CTNNA1: variants seen among roughly 807,000 people sequenced by gnomAD.
The protein encoded by CTNNA1 is catenin alpha-1.
CTNNA1 carries 37 observed loss-of-function variants against 98.4 expected under a neutral mutation model. That is an observed-to-expected ratio of 0.38 (90% CI 0.29 to 0.49). The LOEUF (loss-of-function observed/expected upper bound fraction) is 0.49. Ranked by LOEUF, CTNNA1 falls within the 20% of genes least tolerant of loss-of-function variation. The pLI is 0.95. For synonymous variants in CTNNA1, 404 were observed against 413.2 expected (o/e 0.98, Z 0.27); for missense variants, 761 against 1,147.2 (o/e 0.66, Z 4.86).
At chr5:138,919,781 C>G (rs540504307) in intron 11 of CTNNA1, among the ~76,000 whole-genome samples, 34 of 152,262 alleles carry the variant, frequency 2.2e-4, no homozygotes, top group African/African-American at 7.2e-4. Context: ...CACAGCCCTG[C>G]TTAGGAATGT....
At chr5:138,872,438 C>T (rs1750759911) in intron 7 of CTNNA1, 1 of 152,436 alleles carries the variant, frequency 6.6e-6, no homozygotes, top group South Asian at 2.1e-4. Flanking sequence ...ATAATATCTA[C>T]TAACCCAGGC....
At chr5:138,766,924 C>G (rs1752998605) in intron 1 of CTNNA1, among the ~76,000 whole-genome samples, 1 of 151,742 alleles carries the variant, frequency 6.6e-6, no homozygotes, top group Admixed American at 6.6e-5. Context: ...GGGGTTGTTT[C>G]AGTGTTGCTC....
intron 7 of CTNNA1, among the ~76,000 whole-genome samples, chr5:138,830,021 G>C (rs753674886): frequency 3.9e-5 from 6 of 152,110 alleles, no homozygotes; most frequent in African/African-American, 1.2e-4. Flanking sequence ...AAAAAAATTA[G>C]CCGGACATGG....
Position 138,887,191 on chromosome 5 carries a change from G to A in CTNNA1, c.1144-299G>A, listed in dbSNP as rs4835711. Among the ~76,000 whole-genome samples the A allele has an allele frequency of 0.02, 2,977 of 152,124 alleles. 38 individuals are homozygous for A. Among genetic ancestry groups the A allele is most frequent in the Admixed American group, 0.03 (455 of 15,260 alleles). On this transcript the variant is annotated intron_variant, in intron 8 of 17. Transcript: ENST00000302763. ...CAGAGCTGCTTTCAGTTCAGCTTTT[G>A]TATTATTTAAGTTGTAAGCCCTAGT...
intron 9 of CTNNA1, among the ~76,000 whole-genome samples, chr5:138,898,693 C>G (rs1443414612): frequency 7.2e-5 from 11 of 152,094 alleles, no homozygotes; most frequent in Admixed American, 7.2e-4. Flanking sequence ...TTTGTCTTCC[C>G]AAGTCTGAAA....
At chr5:138,867,330 G>C (rs1166046234) in intron 7 of CTNNA1, among the ~76,000 whole-genome samples, 1 of 152,138 alleles carries the variant, frequency 6.6e-6, no homozygotes, top group Admixed American at 6.5e-5. Context: ...CCTCCATGTG[G>C]TCCTGCTATG....
intron 17 of CTNNA1, chr5:138,932,935 TC>T: frequency 3.8e-6 from 3 of 779,726 alleles, no homozygotes; most frequent in Non-Finnish European, 7.0e-6. Flanking sequence ...GCTGGCCTCC[TC>T]CCCTTTGCTG....
chr5:138,810,972 AC>A (rs1279136714), intron 4 of CTNNA1, among the ~76,000 whole-genome samples: 1 of 128,182 alleles, frequency 7.8e-6, no homozygotes, highest in Non-Finnish European at 1.7e-5. Flanking sequence ...CAGGGGGCTG[AC>A]CCCCCCACCT....
At chr5:138,767,834 G>A (rs753502228) in intron 1 of CTNNA1, among the ~76,000 whole-genome samples, 34 of 152,102 alleles carry the variant, frequency 2.2e-4, no homozygotes, top group Non-Finnish European at 4.3e-4. Flanking sequence ...GCATAACCCT[G>A]ACACTACTGT....
At chr5:138,932,758 C>T (rs2150350436) in intron 17 of CTNNA1, 46 bp downstream of exon 17, 2 of 1,609,780 alleles carry the variant, frequency 1.2e-6, no homozygotes, top group African/African-American at 1.3e-5. Flanking sequence ...AACGTGCTGA[C>T]CCTTGTCAGA....
chr5:138,774,665 A>G (rs1353907429), intron 1 of CTNNA1, among the ~76,000 whole-genome samples: 2 of 150,574 alleles, frequency 1.3e-5, no homozygotes, highest in Non-Finnish European at 3.0e-5. Flanking sequence ...TCTGTCGCCC[A>G]GGCTGGAGTG....
intron 1 of CTNNA1, among the ~76,000 whole-genome samples, chr5:138,767,949 A>C (rs114395536): frequency 0.016 from 2,495 of 152,312 alleles, 75 homozygotes; most frequent in African/African-American, 0.056. Flanking sequence ...GAAATGCAGA[A>C]TCTTAGGCCT....
At chr5:138,762,733 C>T (rs73790339) in intron 1 of CTNNA1, among the ~76,000 whole-genome samples, 5,809 of 151,706 alleles carry the variant, frequency 0.038, 300 homozygotes, top group African/African-American at 0.12. Context: ...ATACTTGTAA[C>T]ATTTGCTCAT....
At chr5:138,856,130 G>A (rs1159035120) in intron 7 of CTNNA1, among the ~76,000 whole-genome samples, 2 of 152,022 alleles carry the variant, frequency 1.3e-5, no homozygotes, top group African/African-American at 4.8e-5. Flanking sequence ...TAATGGCTTG[G>A]GGCTTTTATT....
intron 7 of CTNNA1, among the ~76,000 whole-genome samples, chr5:138,835,868 T>C (rs906730213): frequency 1.3e-5 from 2 of 152,156 alleles, no homozygotes; most frequent in Admixed American, 6.5e-5. Flanking sequence ...TTTTATTTAC[T>C]TATTTTTTGC....
intron 7 of CTNNA1, chr5:138,881,238 T>G: frequency 5.1e-6 from 2 of 392,638 alleles, no homozygotes; most frequent in Non-Finnish European, 1.0e-5. Context: ...GAAGAGGGCA[T>G]TCTTTGAAAA....
intron 1 of CTNNA1, among the ~76,000 whole-genome samples, chr5:138,778,731 C>G (rs1236570541): frequency 6.6e-6 from 1 of 152,122 alleles, no homozygotes; most frequent in Non-Finnish European, 1.5e-5. Context: ...AGTTTGTTTC[C>G]TATTGTTTGG....
intron 7 of CTNNA1, among the ~76,000 whole-genome samples, chr5:138,866,900 A>G (rs565749068): frequency 1.3e-5 from 2 of 152,304 alleles, no homozygotes; most frequent in South Asian, 2.1e-4. Context: ...GACAATTTGT[A>G]GTACATTTTG....
chr5:138,867,526 A>G (rs1372855474), intron 7 of CTNNA1, among the ~76,000 whole-genome samples: 1 of 152,090 alleles, frequency 6.6e-6, no homozygotes, highest in Non-Finnish European at 1.5e-5. Context: ...ATGGGTATGA[A>G]TTGTTAAGGT....
Sources: allele counts gnomAD v4.1 joint callset (sites outside exome capture counted in the v4.1 genomes callset), GRCh38; gene constraint gnomAD v4.1.1; transcripts MANE v1.5; gene names NCBI Gene and HGNC (gene_info 2026-07-23, HGNC 2026-07-21).